The following HTT variants were observed in gnomAD, a reference collection of about 807,000 sequenced individuals.
HTT encodes the protein huntingtin.
Under a neutral mutation model 362.3 loss-of-function variants are expected in HTT, and 104 were observed. The observed-to-expected ratio is 0.29, with a 90% CI of 0.24 to 0.34. HTT has a LOEUF of 0.34. Among genes scored for constraint, HTT ranks in the 10% least tolerant of loss-of-function variants. HTT has a pLI of 1.00. For synonymous variants in HTT, 1,577 were observed against 1,548.7 expected, an observed-to-expected ratio of 1.02 and a Z score of -0.43; for missense variants, 3,301 against 3,928.6, an observed-to-expected ratio of 0.84 and a Z score of 4.27.
intron 41 of HTT, among the ~76,000 whole-genome samples, chr4:3,201,578 CTAA>C (rs566613242): frequency 3.8e-4 from 57 of 149,470 alleles, no homozygotes; most frequent in African/African-American, 1.4e-3. Context: ...GATTTTTAAC[CTAA>C]TAATTAAATT....
chr4:3,185,249 A>G (rs1235998198), intron 37 of HTT, among the ~76,000 whole-genome samples: 1 of 152,214 alleles, frequency 6.6e-6, no homozygotes, highest in African/African-American at 2.4e-5. Flanking sequence ...TTCATGACAC[A>G]GGAGACACAA....
intron 40 of HTT, among the ~76,000 whole-genome samples, chr4:3,189,316 T>C (rs1224643658): frequency 6.6e-6 from 1 of 152,192 alleles, no homozygotes; most frequent in South Asian, 2.1e-4. Context: ...TGAAAAGATA[T>C]TTGCATGCCA....
intron 1 of HTT, among the ~76,000 whole-genome samples, chr4:3,079,425 T>C (rs1712769571): frequency 6.6e-6 from 1 of 152,130 alleles, no homozygotes; most frequent in Non-Finnish European, 1.5e-5. Flanking sequence ...CCTGGCCAGA[T>C]GATGGCTTTT....
Position 3,122,885 on chromosome 4 carries a change from G to A in HTT, c.1274-4G>A. On this transcript the variant is annotated splice_region_variant and splice_polypyrimidine_tract_variant and intron_variant, in intron 9 of 66. Transcript: ENST00000355072. ...CTTTATCTGTCACTTTCTGTGATTT[G>A]CAGCTGGAGGGGGTTCCTCATGCAG... 1 of 1,603,090 alleles carries A rather than the reference G, an allele frequency of 6.2e-7. No individual in the cohort carries two copies. The highest frequency in any genetic ancestry group is 1.3e-5 in the African/African-American group (1 of 74,686).
intron 8 of HTT, 79 bp downstream of exon 8, chr4:3,116,342 G>T: frequency 2.3e-6 from 3 of 1,284,052 alleles, no homozygotes; most frequent in Non-Finnish European, 3.3e-6. Context: ...GAAGAGAAGC[G>T]GCAGAACCGA....
chr4:3,214,093 G>A lies in HTT; in HGVS notation c.6910G>A (p.Ala2304Thr), dbSNP rs1578595097. The A allele has an allele frequency of 3.8e-6, 6 of 1,593,404 alleles. No homozygotes were observed. Among genetic ancestry groups the A allele is most frequent in the African/African-American group, 1.3e-5 (1 of 74,248 alleles). ...CTCCTCCACAGAGTTTGTGACCCACGCCTGCTCCCTCATCTACTGTGTGCA... is the reference window on the plus strand; with the variant it reads ...CTCCTCCACAGAGTTTGTGACCCACACCTGCTCCCTCATCTACTGTGTGCA... ...VVSSTEFVTH[A>T]CSLIYCVHFI... is the part of the protein sequence containing the mutation. Residue 2304 changes from alanine to threonine, a missense_variant, in exon 50 of 67, where the codon GCC becomes ACC. Around this residue, in one of 4 missense-constraint regions of HTT, gnomAD observed 220 missense variants for 218.5 expected, o/e 1.01. Coordinates refer to ENST00000355072, the MANE Select transcript of HTT (RefSeq NM_001388492.1).
At chr4:3,236,377 A>G (rs1578618176) in intron 64 of HTT, 123 bp downstream of exon 64, 1 of 740,298 alleles carries the variant, frequency 1.4e-6, no homozygotes, top group Non-Finnish European at 2.4e-6. Context: ...GTGATTCCCC[A>G]CCACAGCCTG....
intron 40 of HTT, among the ~76,000 whole-genome samples, chr4:3,189,758 C>G (rs775434782): frequency 1.3e-5 from 2 of 152,216 alleles, no homozygotes; most frequent in Non-Finnish European, 2.9e-5. Flanking sequence ...GGTGTCATGG[C>G]TCATGCCTGA....
chr4:3,199,749 A>T lies in HTT; in HGVS notation c.5386A>T (p.Thr1796Ser), dbSNP rs1719445415. The T allele has an allele frequency of 1.2e-6, 2 of 1,613,920 alleles. No homozygotes were observed. The highest frequency in any genetic ancestry group is 2.2e-5 in the South Asian group (2 of 91,092). The change falls in exon 41 of 67, where the codon ACA (threonine) becomes TCA (serine). Residue 1796 changes from threonine (T) to serine (S), a missense_variant. Thr to Ser is a moderately conservative substitution (Grantham distance 58). Transcript: ENST00000355072. ...GTTTCTAGGAATGTTCCGGAGAATC[A>T]CAGCAGCTGCCACTAGGCTGTTCCG... ...IFKSGMFRRITAAATRLFRSD... is the reference protein window; with the variant it reads ...IFKSGMFRRISAAATRLFRSD...
At chr4:3,239,250 G>A (rs1344369870) in intron 66 of HTT, among the ~76,000 whole-genome samples, 1 of 152,190 alleles carries the variant, frequency 6.6e-6, no homozygotes, top group Non-Finnish European at 1.5e-5. Flanking sequence ...TGAGGGGAGC[G>A]AGGGTGGGCG....
Position 3,075,067 on chromosome 4 carries a change from C to T in HTT, c.242C>T (p.Ala81Val). ...CCGCCGCCACCCGGCCCGGCTGTGG[C>T]TGAGGAGCCGCTGCACCGACCGTGA... ...PPPPPPGPAV[A>V]EEPLHRPKKE... The change falls in exon 1 of 67, where the codon GCT becomes GTT. Residue 81 changes from alanine to valine, a missense_variant. Transcript: ENST00000355072. The T allele has an allele frequency of 8.0e-7, 1 of 1,247,828 alleles. No homozygotes were observed. The highest frequency in any genetic ancestry group is 3.7e-5 in the South Asian group (1 of 27,208). The allele number at this position is 1,247,828 out of a possible 1,614,324, so 77.3% of individuals were successfully genotyped here.
chr4:3,233,621 C>T (rs1721369502), intron 61 of HTT, among the ~76,000 whole-genome samples: 1 of 152,226 alleles, frequency 6.6e-6, no homozygotes. Flanking sequence ...CGTGCCCATT[C>T]CTGACTCTGC....
In HTT at chr4:3,140,514, G is replaced by A. The variant is rs765962850; in HGVS notation, c.2803G>A (p.Val935Ile). ...TTAACCTTACTTTTGTGTTAGGCTT[G>A]TCCCAAAGCTGTTTTATAAATGTGA... ...HVAAASLIRLVPKLFYKCDQG... is the reference protein window; with the variant it reads ...HVAAASLIRLIPKLFYKCDQG... The change falls in exon 22 of 67, where the codon GTC becomes ATC. Residue 935 changes from valine (V) to isoleucine (I), a missense_variant. Physicochemically the swap from Val to Ile is conservative, Grantham distance 29 (BLOSUM62 3). This residue lies in a region of HTT where 2,316 missense variants were observed against 2,658.5 expected (regional missense o/e 0.87). Transcript: ENST00000355072. 6.2e-7 allele frequency: 1 copy of A among 1,614,080 alleles called. No individual in the cohort carries two copies. The highest frequency in any genetic ancestry group is 8.5e-7 in the Non-Finnish European group (1 of 1,179,974).
chr4:3,089,457 G>GTTA (rs1713389925), intron 2 of HTT, among the ~76,000 whole-genome samples: 1 of 152,152 alleles, frequency 6.6e-6, no homozygotes, highest in African/African-American at 2.4e-5. Context: ...GTTTCACCGT[G>GTTA]TTAGCCAGGA....
intron 45 of HTT, 32 bp from the exon 46 acceptor site, chr4:3,208,741 A>G (rs750356355): frequency 6.5e-7 from 1 of 1,529,628 alleles, no homozygotes; most frequent in East Asian, 2.3e-5. Context: ...AAAACAAATT[A>G]TACTGTAATT....
Position 3,236,259 on chromosome 4 carries a change from G to A in HTT, c.8891+5G>A. 6.3e-7 allele frequency: 1 copy of A among 1,590,544 alleles called. No individual in the cohort carries two copies. The highest frequency in any genetic ancestry group is 2.2e-5 in the East Asian group (1 of 44,766). ...GGTATCTGTTCTTTTTGATAGGTAA[G>A]AAGCGAAGCCCCATCCCTCAGCCGT... On this transcript the variant is annotated splice_donor_5th_base_variant and intron_variant, in intron 64 of 66. Transcript: ENST00000355072.
chr4:3,155,415 C>T (rs945121938), intron 27 of HTT, among the ~76,000 whole-genome samples: 7 of 150,590 alleles, frequency 4.6e-5, no homozygotes, highest in Admixed American at 1.3e-4. Context: ...TTAGTGGAGA[C>T]GGGGTTTCAC....
chr4:3,231,384 TCCTC>T (rs1721240555), intron 60 of HTT, among the ~76,000 whole-genome samples: 2 of 151,950 alleles, frequency 1.3e-5, no homozygotes, highest in African/African-American at 2.4e-5. Context: ...GCGGAGCTCT[TCCTC>T]CCGCACCCCC....
At chr4:3,216,571 C>T (rs936603872) in intron 51 of HTT, among the ~76,000 whole-genome samples, 1 of 152,214 alleles carries the variant, frequency 6.6e-6, no homozygotes, top group Non-Finnish European at 1.5e-5. Flanking sequence ...ACAGTTGAGA[C>T]ATCTTGGCGG....
Sources: allele counts gnomAD v4.1 joint callset (sites outside exome capture counted in the v4.1 genomes callset), GRCh38; gene constraint gnomAD v4.1.1; regional missense constraint gnomAD v4.1.1; transcripts MANE v1.5; gene names NCBI Gene and HGNC (gene_info 2026-07-23, HGNC 2026-07-21).